The following MKX variants were observed in gnomAD, a reference collection of about 807,000 sequenced individuals.
The protein encoded by MKX is homeobox protein Mohawk.
MKX carries 13 observed loss-of-function variants against 36.0 expected under a neutral mutation model. That is an observed-to-expected ratio of 0.36 (90% confidence interval 0.24 to 0.57). MKX has a LOEUF of 0.57. Ranked by LOEUF, MKX falls within the 20% of genes least tolerant of loss-of-function variation. The probability of loss-of-function intolerance (pLI) is 0.79; values close to 1 mark genes in which losing one functional copy is unlikely to be tolerated. For synonymous variants in MKX, 176 were observed against 178.3 expected (o/e 0.99, Z 0.10); for missense variants, 458 against 456.4 (o/e 1.00, Z -0.03).
chr10:27,691,667 C>A (rs1309808252), intron 5 of MKX, among the ~76,000 whole-genome samples: 2 of 152,214 alleles, frequency 1.3e-5, no homozygotes, highest in Non-Finnish European at 2.9e-5. Flanking sequence ...GTAGTGAGCA[C>A]AGTACCCGAT....
intron 5 of MKX, among the ~76,000 whole-genome samples, chr10:27,679,789 C>T (rs1213939237): frequency 6.6e-6 from 1 of 151,896 alleles, no homozygotes; most frequent in Non-Finnish European, 1.5e-5. Context: ...TCTCATTATA[C>T]TAACTGGTTG....
At chr10:27,676,350 C>A (rs1836149272) in intron 5 of MKX, among the ~76,000 whole-genome samples, 1 of 149,692 alleles carries the variant, frequency 6.7e-6, no homozygotes, top group Non-Finnish European at 1.5e-5. Flanking sequence ...TCTATAATTT[C>A]ATGGTTATCA....
chr10:27,715,274 T>C (rs1316151735), intron 5 of MKX, among the ~76,000 whole-genome samples: 2 of 152,194 alleles, frequency 1.3e-5, no homozygotes, highest in African/African-American at 4.8e-5. Context: ...TTCAGTGTTC[T>C]CTCCTGGGAT....
At position 27,682,761 on chromosome 10, in the gene MKX, A is replaced by T. The variant is rs111297212; in HGVS notation, c.839-7207T>A. ...TTTGGGAGGCCGAGGCGGGTGGATC[A>T]CAAGGTCAGGAGTTCGAGACCAGTC... On this transcript the variant is annotated intron_variant, in intron 5 of 6. Transcript: ENST00000419761. Among the ~76,000 whole-genome samples the T allele has an allele frequency of 8.7e-3, 1,319 of 152,068 alleles. 30 individuals carry two copies. The highest frequency in any genetic ancestry group is 0.03 in the African/African-American group (1,238 of 41,472).
chr10:27,712,905 G>A (rs1484979350), intron 5 of MKX, among the ~76,000 whole-genome samples: 4 of 152,016 alleles, frequency 2.6e-5, no homozygotes, highest in Non-Finnish European at 4.4e-5. Context: ...CCATTGCACT[G>A]CAGCCTGGAT....
intron 5 of MKX, among the ~76,000 whole-genome samples, chr10:27,680,889 T>C (rs1351938075): frequency 6.6e-6 from 1 of 152,164 alleles, no homozygotes; most frequent in East Asian, 1.9e-4. Flanking sequence ...TGAGAAATCA[T>C]TACTGAAATA....
At chr10:27,686,359 GGAAAGAAA>G (rs1049168328) in intron 5 of MKX, among the ~76,000 whole-genome samples, 1 of 119,402 alleles carries the variant, frequency 8.4e-6, no homozygotes, top group Non-Finnish European at 1.7e-5. Context: ...AAAGAAAGAA[GGAAAGAAA>G]GAAAGAAAGG....
In MKX at chr10:27,701,299, G is replaced by GGCACGCGGTGCACATCACC. The variant is rs1554771211; in HGVS notation, c.839-25746_839-25745insGGTGATGTGCACCGCGTGC. On this transcript the variant is annotated intron_variant, in intron 5 of 6. Coordinates refer to ENST00000419761, the MANE Select transcript of MKX (RefSeq NM_173576.3). ...AAAGAACTGAAGCGGTGCACATCAC[G>GGCACGCGGTGCACATCACC]GCACGCAGCGCATTCTCACGTGATT... Among the ~76,000 whole-genome samples, 2,315 of 149,650 alleles carry GGCACGCGGTGCACATCACC rather than the reference G, an allele frequency of 0.015. 160 individuals are homozygous for GGCACGCGGTGCACATCACC. The East Asian group carries it at 0.2, about 13-fold the overall frequency.
intron 5 of MKX, among the ~76,000 whole-genome samples, chr10:27,704,509 A>G (rs143212323): frequency 1.1e-3 from 167 of 152,202 alleles, no homozygotes; most frequent in African/African-American, 3.8e-3. Flanking sequence ...AGAGAATAGA[A>G]AGACAAGACC....
rs113570423 is a variant in MKX at position 27,733,018 on chromosome 10, G to T, written c.838+1438C>A. 6.7e-3 allele frequency among the ~76,000 whole-genome samples: 1,012 copies of T among 152,158 alleles called. 12 individuals are homozygous for T. Among genetic ancestry groups the T allele is most frequent in the African/African-American group, 0.02 (849 of 41,518 alleles). On this transcript the variant is annotated intron_variant, in intron 5 of 6. Coordinates refer to ENST00000419761, the MANE Select transcript of MKX (RefSeq NM_173576.3). ...TCTTGCCTCTGCCTCCCAAAGTGTT[G>T]GGATTACAGTTGTGAGCCACCTTGC...
In MKX at chr10:27,741,035, G is replaced by A. The variant is rs1037948397; in HGVS notation, c.348+310C>T. ...AGACCTGCTGAATCCGAAACTCGGAGGTGGGGCCTAGCGATTCGTGTTTTA... is the reference window on the plus strand; with the variant it reads ...AGACCTGCTGAATCCGAAACTCGGAAGTGGGGCCTAGCGATTCGTGTTTTA... On this transcript the variant is annotated intron_variant, in intron 3 of 6. Transcript: ENST00000419761. This position sits in a 1 kb window ranked among gnomAD's most constrained non-coding sequence, Gnocchi z 5.1. Among the ~76,000 whole-genome samples the A allele has an allele frequency of 3.9e-5, 6 of 152,186 alleles. No individual in the cohort carries two copies. The highest frequency in any genetic ancestry group is 8.8e-5 in the Non-Finnish European group (6 of 68,046).
At chr10:27,678,952 C>G (rs1014157324) in intron 5 of MKX, among the ~76,000 whole-genome samples, 3 of 152,198 alleles carry the variant, frequency 2.0e-5, no homozygotes, top group African/African-American at 7.2e-5. Flanking sequence ...TTCAGGTATT[C>G]TTAATTGGGT....
At chr10:27,689,446 T>C (rs1462020316) in intron 5 of MKX, among the ~76,000 whole-genome samples, 1 of 152,234 alleles carries the variant, frequency 6.6e-6, no homozygotes, top group South Asian at 2.1e-4. Context: ...CACATTTCTA[T>C]GTTTAAAGGT....
rs1253661680 is a variant in MKX, at chr10:27,741,700, G to T, written c.189-196C>A. Among the ~76,000 whole-genome samples, 3 of 152,238 alleles carry T rather than the reference G, an allele frequency of 2.0e-5. No homozygotes were observed. Among genetic ancestry groups the T allele is most frequent in the Non-Finnish European group, 2.9e-5 (2 of 68,034 alleles). ...AGTTTCTGGATGGGGAGATCATTTCGATAGGTTTATCTTGAATAGGGGGAT... is the reference window on the plus strand; with the variant it reads ...AGTTTCTGGATGGGGAGATCATTTCTATAGGTTTATCTTGAATAGGGGGAT... On this transcript the variant is annotated intron_variant, in intron 2 of 6. Coordinates refer to ENST00000419761, the MANE Select transcript of MKX (RefSeq NM_173576.3). This position sits in a 1 kb window ranked among gnomAD's most constrained non-coding sequence, Gnocchi z 5.1.
intron 5 of MKX, among the ~76,000 whole-genome samples, chr10:27,703,574 C>T (rs1190581052): frequency 2.6e-5 from 4 of 151,812 alleles, no homozygotes; most frequent in Admixed American, 2.6e-4. Flanking sequence ...TATGATTGTA[C>T]TGCTAGAAAA....
At position 27,735,251 on chromosome 10, in the gene MKX, T is replaced by C; in HGVS notation, c.472A>G (p.Ser158Gly). ...KYVQGNAERLSVSSDDSCSED... is the reference protein window; with the variant it reads ...KYVQGNAERLGVSSDDSCSED... The stretch of plus-strand genomic sequence containing the variant: ...GAACATGAGTCATCACTGCTTACGC[T>C]AAGCCGTTCAGCATTGCCTTGAACA... Residue 158 changes from serine to glycine, a missense_variant, in exon 4 of 7, where the codon AGC becomes GGC. Around this residue, in one of 3 missense-constraint regions of MKX, gnomAD observed 297 missense variants for 304.4 expected, o/e 0.98. Coordinates refer to ENST00000419761, the MANE Select transcript of MKX (RefSeq NM_173576.3). 6.2e-7 allele frequency: 1 copy of C among 1,610,396 alleles called. No homozygotes were observed. The highest frequency in any genetic ancestry group is 8.5e-7 in the Non-Finnish European group (1 of 1,178,696).
At chr10:27,709,141 C>G (rs1836808806) in intron 5 of MKX, among the ~76,000 whole-genome samples, 1 of 151,648 alleles carries the variant, frequency 6.6e-6, no homozygotes, top group Admixed American at 6.6e-5. Flanking sequence ...TGCACTCCAG[C>G]CTGGGTGACA....
chr10:27,701,629 T>C (rs1409067187), intron 5 of MKX, among the ~76,000 whole-genome samples: 2 of 145,086 alleles, frequency 1.4e-5, no homozygotes, highest in East Asian at 3.9e-4. Flanking sequence ...ATTAAAATAA[T>C]AATATATTTA....
At chr10:27,725,482 T>C (rs1024588090) in intron 5 of MKX, among the ~76,000 whole-genome samples, 11 of 152,200 alleles carry the variant, frequency 7.2e-5, no homozygotes, top group African/African-American at 2.6e-4. Flanking sequence ...AATGATATCA[T>C]TTATAATGGA....
Sources: allele counts gnomAD v4.1 joint callset (sites outside exome capture counted in the v4.1 genomes callset), GRCh38; gene constraint gnomAD v4.1.1; regional missense constraint gnomAD v4.1.1; non-coding constraint Gnocchi (gnomAD v3.1); transcripts MANE v1.5; gene names NCBI Gene and HGNC (gene_info 2026-07-23, HGNC 2026-07-21).